Variants in KCNJ16 observed in about 807,000 individuals in gnomAD.
KCNJ16 encodes the protein potassium inwardly rectifying channel subfamily J member 16, also known as inward rectifier potassium channel 16.
In KCNJ16, 15 loss-of-function variants were observed where a neutral mutation model predicts 18.5. That is an observed-to-expected ratio of 0.81 (90% CI 0.54 to 1.25). The LOEUF (loss-of-function observed/expected upper bound fraction) is 1.25, where lower values mean the gene tolerates loss of function less well. Among genes scored for constraint, KCNJ16 ranks in the 50% most tolerant of loss-of-function variants. The pLI is 0.00. For synonymous variants in KCNJ16, 174 were observed against 186.5 expected (o/e 0.93, Z 0.55); for missense variants, 523 against 525.7 (o/e 0.99, Z 0.05).
chr17:70,077,509 T>A (rs7216332), intron 1 of KCNJ16, among the ~76,000 whole-genome samples: 2 of 152,106 alleles, frequency 1.3e-5, no homozygotes, highest in African/African-American at 4.8e-5. Context: ...AACATGAAAC[T>A]TGTAAGGGAA....
intron 2 of KCNJ16, among the ~76,000 whole-genome samples, chr17:70,112,505 A>G (rs1007287897): frequency 7.4e-6 from 1 of 134,916 alleles, no homozygotes; most frequent in Non-Finnish European, 1.5e-5. Context: ...TCTATGAATG[A>G]AAAAAAAAAA....
chr17:70,112,686 C>G (rs541938097), intron 2 of KCNJ16, among the ~76,000 whole-genome samples: 1 of 152,184 alleles, frequency 6.6e-6, no homozygotes, highest in African/African-American at 2.4e-5. Context: ...AGAAAATATT[C>G]ATCTCATCCC....
intron 1 of KCNJ16, among the ~76,000 whole-genome samples, chr17:70,086,727 C>G (rs560632464): frequency 1.3e-5 from 2 of 152,136 alleles, no homozygotes; most frequent in Non-Finnish European, 2.9e-5. Context: ...TTTCCTTTTA[C>G]GTAATTGCAG....
chr17:70,106,784 G>A (rs2072949046), intron 2 of KCNJ16, among the ~76,000 whole-genome samples: 2 of 152,162 alleles, frequency 1.3e-5, no homozygotes, highest in South Asian at 2.1e-4. Context: ...CTGAGGTGAG[G>A]GAAGGTATGT....
Position 70,132,121 on chromosome 17 carries a change from A to G in KCNJ16, c.34A>G (p.Asn12Asp), listed in dbSNP as rs755171685. 1 of 1,614,226 alleles carries G rather than the reference A, an allele frequency of 6.2e-7. No individual in the cohort carries two copies. Among genetic ancestry groups the G allele is most frequent in the African/African-American group, 1.3e-5 (1 of 75,064 alleles). ...TTACGGCAGCAGCTATCATATTATC[A>G]ATGCGGACGCAAAATACCCAGGCTA... The part of the protein sequence containing the change: ...SYYGSSYHII[N>D]ADAKYPGYPP... The change falls in exon 4 of 4, where the codon AAT becomes GAT. Residue 12 changes from asparagine (N) to aspartate (D), a missense_variant. Coordinates refer to ENST00000392671, the MANE Select transcript of KCNJ16 (RefSeq NM_170741.4).
Position 70,118,122 on chromosome 17 carries a change from A to AT in KCNJ16, c.-190-12753dup, listed in dbSNP as rs544576645. Among the ~76,000 whole-genome samples, 37 of 152,304 alleles carry AT rather than the reference A, an allele frequency of 2.4e-4. 1 individual carries two copies. The South Asian group carries it at 7.5e-3, about 31-fold the overall frequency. ...TATAAAATAAGCTGACAAGAGGCAG[A>AT]TTTTATCAGTCCATTCTTACATTGC... On this transcript the variant is annotated intron_variant, in intron 2 of 3. Coordinates refer to ENST00000392671, the MANE Select transcript of KCNJ16 (RefSeq NM_170741.4).
chr17:70,131,330 A>G, intron 3 of KCNJ16: 1 of 1,072,446 alleles, frequency 9.3e-7, no homozygotes, highest in Non-Finnish European at 1.1e-6. Context: ...AGAAAGATGC[A>G]TTTTTTTTTC....
chr17:70,081,157 T>C (rs531931462), intron 1 of KCNJ16, among the ~76,000 whole-genome samples: 25 of 152,228 alleles, frequency 1.6e-4, no homozygotes, highest in Non-Finnish European at 3.4e-4. Flanking sequence ...AGGATTGTCA[T>C]ATCAAGAATG....
At chr17:70,085,949 G>A (rs542227935) in intron 1 of KCNJ16, among the ~76,000 whole-genome samples, 1 of 152,240 alleles carries the variant, frequency 6.6e-6, no homozygotes, top group South Asian at 2.1e-4. Context: ...TTTATTGATG[G>A]GGGAAAATGT....
rs745863431 is a variant in KCNJ16, at chr17:70,132,165, A to G, written c.78A>G (p.Ile26Met). 1.9e-6 allele frequency: 3 copies of G among 1,614,256 alleles called. No homozygotes were observed. The Admixed American group carries it at 5.0e-5, about 27-fold the overall frequency. Reference protein sequence around the residue: ...KYPGYPPEHIIAEKRRARRRL... With the variant: ...KYPGYPPEHIMAEKRRARRRL... ...CAGGCTACCCGCCAGAGCACATTAT[A>G]GCTGAGAAGAGAAGAGCAAGAAGAC... Residue 26 changes from isoleucine (I) to methionine (M), a missense_variant, in exon 4 of 4, where the codon ATA (isoleucine) becomes ATG (methionine). Physicochemically the swap from Ile to Met is conservative, Grantham distance 10. Coordinates refer to ENST00000392671, the MANE Select transcript of KCNJ16 (RefSeq NM_170741.4).
chr17:70,092,564 G>T (rs867487722), intron 1 of KCNJ16, among the ~76,000 whole-genome samples: 15 of 95,688 alleles, frequency 1.6e-4, no homozygotes, highest in Non-Finnish European at 2.3e-4. Flanking sequence ...ATAGATGATA[G>T]ATATAGATAG....
At chr17:70,111,091 T>C (rs1037113289) in intron 2 of KCNJ16, among the ~76,000 whole-genome samples, 1 of 152,126 alleles carries the variant, frequency 6.6e-6, no homozygotes, top group Non-Finnish European at 1.5e-5. Flanking sequence ...TATAATCTCC[T>C]CAATTCTAGA....
intron 1 of KCNJ16, among the ~76,000 whole-genome samples, chr17:70,099,056 A>G (rs2072511101): frequency 6.6e-6 from 1 of 152,124 alleles, no homozygotes; most frequent in Non-Finnish European, 1.5e-5. Context: ...GAAAAACTCT[A>G]CAAATCAGTC....
chr17:70,110,156 G>A (rs34967227), intron 2 of KCNJ16, among the ~76,000 whole-genome samples: 13,793 of 152,116 alleles, frequency 0.091, 716 homozygotes, highest in African/African-American at 0.14. Context: ...ACTCTCCATC[G>A]TCACCTGTTA....
intron 2 of KCNJ16, among the ~76,000 whole-genome samples, chr17:70,117,550 C>G (rs2073460648): frequency 6.6e-6 from 1 of 152,108 alleles, no homozygotes; most frequent in Non-Finnish European, 1.5e-5. Context: ...TTTGTGTTTT[C>G]TGTTTATAAG....
In KCNJ16 at chr17:70,111,971, C is replaced by T. The variant is rs961226192; in HGVS notation, c.-191+11205C>T. 2.0e-5 allele frequency among the ~76,000 whole-genome samples: 3 copies of T among 152,294 alleles called. No homozygotes were observed. The East Asian group carries it at 5.8e-4, about 29-fold the overall frequency. ...CAGTGTGAAAACTAACTAATACGGTCACCAATCTCAATGTGTTGCTTTCAT... is the reference window on the plus strand; with the variant it reads ...CAGTGTGAAAACTAACTAATACGGTTACCAATCTCAATGTGTTGCTTTCAT... On this transcript the variant is annotated intron_variant, in intron 2 of 3. Transcript: ENST00000392671.
intron 1 of KCNJ16, among the ~76,000 whole-genome samples, chr17:70,083,449 G>A (rs907723434): frequency 2.0e-5 from 3 of 151,682 alleles, no homozygotes; most frequent in Admixed American, 2.0e-4. Context: ...CATATATGAT[G>A]GTGGTCTCAA....
At chr17:70,103,319 T>C (rs1193704279) in intron 2 of KCNJ16, among the ~76,000 whole-genome samples, 2,805 of 20,286 alleles carry the variant, frequency 0.14, 43 homozygotes, top group Non-Finnish European at 0.18. Flanking sequence ...TATATATATA[T>C]ATACACACAC....
At chr17:70,105,267 G>A (rs905151954) in intron 2 of KCNJ16, among the ~76,000 whole-genome samples, 1 of 152,008 alleles carries the variant, frequency 6.6e-6, no homozygotes, top group Non-Finnish European at 1.5e-5. Context: ...ATATATCTCT[G>A]GGGAATGCTG....
Sources: gnomAD v4.1 joint callset for allele counts (sites outside exome capture counted in the v4.1 genomes callset) on GRCh38, gnomAD v4.1.1 for gene constraint, MANE v1.5 for transcripts, NCBI Gene and HGNC (gene_info 2026-07-23, HGNC 2026-07-21) for gene names.